Variants in RAD54B observed in about 807,000 individuals in gnomAD.
RAD54B encodes DNA repair and recombination protein RAD54B.
Under a neutral mutation model 95.8 loss-of-function variants are expected in RAD54B, and 78 were observed. The ratio of observed to expected loss-of-function variants is 0.81; its 90% confidence interval spans 0.68 to 0.98. The LOEUF is 0.98. Ranked by LOEUF, RAD54B falls within the 50% of genes least tolerant of loss-of-function variation. The pLI, the probability that RAD54B is intolerant of heterozygous loss-of-function variation, is 0.00. For synonymous variants in RAD54B, 328 were observed against 354.9 expected (o/e 0.92, Z 0.85); for missense variants, 957 against 1,056.6 (o/e 0.91, Z 1.31).
rs1436370729 is a variant in RAD54B, at chr8:94,407,774, C to T, written c.500-54G>A. 2.1e-6 allele frequency: 3 copies of T among 1,453,408 alleles called. No individual in the cohort carries two copies. In the South Asian group the frequency reaches 4.0e-5, roughly 19 times the overall value. 90.0% of individuals were successfully genotyped at this position (1,453,408 alleles called of 1,614,324 possible). A position where few individuals can be genotyped will look rare whatever the true frequency, so the allele number is the denominator to read the frequency against. On this transcript the variant is annotated intron_variant, in intron 4 of 14. Coordinates refer to ENST00000336148, the MANE Select transcript of RAD54B (RefSeq NM_012415.3). ...TGACACTCTATGATACCACGGTCAC[C>T]TTCCCGTAACTGTACAAAAAAACTG...
chr8:94,467,403 A>T lies in RAD54B; in HGVS notation c.135+2T>A. 6.3e-7 allele frequency: 1 copy of T among 1,599,044 alleles called. No individual in the cohort carries two copies. On this transcript the variant is annotated splice_donor_variant, in intron 2 of 14. Coordinates refer to ENST00000336148, the MANE Select transcript of RAD54B (RefSeq NM_012415.3). LOFTEE classifies it high-confidence loss of function. Reference sequence around the variant, plus strand: ...TATATCATGAGTCTTTTTTTGCCTTACCTCAAATAATTTTATATCTGGATT... The same window carrying T: ...TATATCATGAGTCTTTTTTTGCCTTTCCTCAAATAATTTTATATCTGGATT...
At chr8:94,434,871 GT>G (rs1812212692) in intron 3 of RAD54B, among the ~76,000 whole-genome samples, 1 of 151,246 alleles carries the variant, frequency 6.6e-6, no homozygotes, top group Non-Finnish European at 1.5e-5. Context: ...TCAGAGAAAT[GT>G]TCATATCCCA....
At chr8:94,389,727 G>A (rs1020323836) in intron 10 of RAD54B, among the ~76,000 whole-genome samples, 2 of 152,178 alleles carry the variant, frequency 1.3e-5, no homozygotes, top group African/African-American at 4.8e-5. Flanking sequence ...ACATGTAGAA[G>A]GCTCATTTCT....
At chr8:94,434,172 T>C (rs1208796635) in intron 3 of RAD54B, among the ~76,000 whole-genome samples, 3 of 151,878 alleles carry the variant, frequency 2.0e-5, no homozygotes, top group African/African-American at 4.8e-5. Flanking sequence ...TAAAATTGCA[T>C]ATGAAAATTA....
At chr8:94,430,807 T>C in intron 3 of RAD54B, 1 of 985,468 alleles carries the variant, frequency 1.0e-6, no homozygotes, top group Non-Finnish European at 1.2e-6. Context: ...AAAATTCTGC[T>C]GGAGCTAAAC....
chr8:94,444,724 G>A (rs76466615), intron 3 of RAD54B, among the ~76,000 whole-genome samples: 1,767 of 152,202 alleles, frequency 0.012, 41 homozygotes, highest in African/African-American at 0.041. Flanking sequence ...GAAGCTTACT[G>A]TTTATTCTAG....
At chr8:94,423,553 G>A (rs1041567574) in intron 3 of RAD54B, among the ~76,000 whole-genome samples, 3 of 152,162 alleles carry the variant, frequency 2.0e-5, no homozygotes, top group African/African-American at 7.2e-5. Context: ...GTTTTACTGA[G>A]TCAAATTTTG....
At chr8:94,455,897 T>C (rs953126200) in intron 3 of RAD54B, among the ~76,000 whole-genome samples, 4 of 152,210 alleles carry the variant, frequency 2.6e-5, no homozygotes, top group Non-Finnish European at 4.4e-5. Context: ...TATGACTTTA[T>C]CTTGATTACA....
At chr8:94,375,053 T>C (rs1165861598) in intron 14 of RAD54B, among the ~76,000 whole-genome samples, 5 of 152,248 alleles carry the variant, frequency 3.3e-5, no homozygotes, top group East Asian at 1.9e-4. Flanking sequence ...TATGGGAAAA[T>C]AGACATTCTA....
chr8:94,472,344 T>A (rs985297861), intron 1 of RAD54B, among the ~76,000 whole-genome samples: 1 of 152,166 alleles, frequency 6.6e-6, no homozygotes, highest in Non-Finnish European at 1.5e-5. Flanking sequence ...AAGTTTGAAA[T>A]TGATTAACGG....
chr8:94,404,389 A>C, intron 5 of RAD54B, 150 bp from the exon 6 acceptor site: 1 of 598,974 alleles, frequency 1.7e-6, no homozygotes, highest in Non-Finnish European at 2.7e-6. Context: ...ACCCAAGGGC[A>C]CAAAATTTAA....
At chr8:94,419,170 T>C (rs1019714653) in intron 3 of RAD54B, among the ~76,000 whole-genome samples, 1 of 152,086 alleles carries the variant, frequency 6.6e-6, no homozygotes, top group South Asian at 2.1e-4. Flanking sequence ...AATATTTAAG[T>C]AAAAAATAGG....
At chr8:94,456,475 G>A (rs1812781215) in intron 3 of RAD54B, among the ~76,000 whole-genome samples, 1 of 152,126 alleles carries the variant, frequency 6.6e-6, no homozygotes, top group Non-Finnish European at 1.5e-5. Context: ...GAGGTAAAGT[G>A]GCATGATATA....
In RAD54B at chr8:94,399,542, A is replaced by G. The variant is rs1166258477; in HGVS notation, c.1250T>C (p.Leu417Pro). The G allele has an allele frequency of 1.9e-6, 3 of 1,613,174 alleles. No individual in the cohort carries two copies. Among genetic ancestry groups the G allele is most frequent in the Admixed American group, 1.7e-5 (1 of 59,922 alleles). ...AAATTTTATATTCTTAATTTGATCCAGGGAACGAAGTAACATTTCATAACT... is the reference window on the plus strand; with the variant it reads ...AAATTTTATATTCTTAATTTGATCCGGGGAACGAAGTAACATTTCATAACT... ...IISYEMLLRS[L>P]DQIKNIKFDL... Residue 417 changes from leucine to proline, a missense_variant, in exon 8 of 15, where the codon CTG becomes CCG. Leu to Pro is a moderately conservative substitution (Grantham distance 98, BLOSUM62 -3). Transcript: ENST00000336148.
intron 3 of RAD54B, among the ~76,000 whole-genome samples, chr8:94,419,852 G>C (rs1811761232): frequency 6.6e-6 from 1 of 150,730 alleles, no homozygotes. Context: ...AAACACTTTA[G>C]TATACAGTCA....
intron 3 of RAD54B, among the ~76,000 whole-genome samples, chr8:94,419,043 C>T (rs1358021059): frequency 1.3e-5 from 2 of 151,646 alleles, no homozygotes; most frequent in African/African-American, 2.4e-5. Context: ...AAAGAAGGTA[C>T]CTGAGAAAAA....
chr8:94,386,576 TTGTG>T (rs764988413), intron 11 of RAD54B, among the ~76,000 whole-genome samples: 16 of 138,580 alleles, frequency 1.2e-4, no homozygotes, highest in Admixed American at 8.2e-4. Context: ...CATGGTATGG[TTGTG>T]TGTGTGTGTG....
intron 3 of RAD54B, among the ~76,000 whole-genome samples, chr8:94,449,884 A>G (rs1812614185): frequency 2.0e-5 from 3 of 152,226 alleles, no homozygotes; most frequent in African/African-American, 7.2e-5. Flanking sequence ...CCTGACAACT[A>G]GGACAAGAAC....
chr8:94,418,722 C>T (rs1182734415), intron 3 of RAD54B, among the ~76,000 whole-genome samples: 1 of 152,104 alleles, frequency 6.6e-6, no homozygotes, highest in Non-Finnish European at 1.5e-5. Flanking sequence ...AGTATACAAC[C>T]GTTTCAAAAA....
Sources: gnomAD v4.1 joint callset for allele counts (sites outside exome capture counted in the v4.1 genomes callset) on GRCh38, gnomAD v4.1.1 for gene constraint, MANE v1.5 for transcripts, NCBI Gene and HGNC (gene_info 2026-07-23, HGNC 2026-07-21) for gene names.